CDRT4: variants seen among roughly 807,000 people sequenced by gnomAD.
CDRT4 encodes the protein CMT1A duplicated region transcript 4 protein.
For synonymous variants in CDRT4, 64 were observed against 69.6 expected (o/e 0.92, Z 0.40); for missense variants, 167 against 193.1 (o/e 0.87, Z 0.80).
chr17:15,459,246 A>G (rs1052408694), intron 1 of CDRT4, among the ~76,000 whole-genome samples: 8 of 152,060 alleles, frequency 5.3e-5, no homozygotes, highest in African/African-American at 1.9e-4. Context: ...ATGAACAACA[A>G]GACAAATGGA....
chr17:15,440,167 C>T (rs945471869), intron 3 of CDRT4, 41 bp downstream of exon 3: 4 of 1,608,690 alleles, frequency 2.5e-6, no homozygotes, highest in South Asian at 1.1e-5. Context: ...CCTAGACGGC[C>T]CCAGTGCAGG....
At chr17:15,438,421 G>C (rs1250858307) in intron 3 of CDRT4, among the ~76,000 whole-genome samples, 1 of 100,362 alleles carries the variant, frequency 1.0e-5, no homozygotes, top group Non-Finnish European at 1.8e-5. Context: ...GCAAGAGACA[G>C]AGTCAAACAG....
At chr17:15,465,833 G>C (rs1038111476) in intron 1 of CDRT4, among the ~76,000 whole-genome samples, 1 of 151,160 alleles carries the variant, frequency 6.6e-6, no homozygotes, top group African/African-American at 2.4e-5. Flanking sequence ...CCACCGTGGG[G>C]AGGACATGCA....
intron 2 of CDRT4, among the ~76,000 whole-genome samples, chr17:15,446,087 T>C (rs1979011048): frequency 6.6e-6 from 1 of 151,662 alleles, no homozygotes; most frequent in African/African-American, 2.4e-5. Flanking sequence ...TCTGGAAAGA[T>C]GCTCCTGAGC....
chr17:15,459,439 C>CTTT (rs35161691), intron 1 of CDRT4, among the ~76,000 whole-genome samples: 502 of 107,480 alleles, frequency 4.7e-3, no homozygotes, highest in Non-Finnish European at 6.2e-3. Context: ...CTTTTTTTTT[C>CTTT]TTTTTTTTTT....
chr17:15,438,990 G>A (rs928191899), intron 3 of CDRT4, among the ~76,000 whole-genome samples: 14 of 152,176 alleles, frequency 9.2e-5, no homozygotes, highest in Admixed American at 6.5e-4. Context: ...TGTTTGCCGA[G>A]GGGGGTGGGT....
intron 1 of CDRT4, among the ~76,000 whole-genome samples, chr17:15,459,443 T>C (rs1008091998): frequency 3.1e-4 from 42 of 135,286 alleles, no homozygotes; most frequent in South Asian, 2.2e-3. Context: ...TTTTTTCTTT[T>C]TTTTTTTTTT....
chr17:15,444,439 C>T (rs1463095627), intron 2 of CDRT4, among the ~76,000 whole-genome samples: 1 of 152,146 alleles, frequency 6.6e-6, no homozygotes, highest in South Asian at 2.1e-4. Flanking sequence ...GCAGTACAGG[C>T]ACTGGAATTA....
chr17:15,438,914 C>T (rs931021172), intron 3 of CDRT4, among the ~76,000 whole-genome samples: 1 of 152,126 alleles, frequency 6.6e-6, no homozygotes, highest in Non-Finnish European at 1.5e-5. Context: ...TGGGTTTGAA[C>T]TCAAGCTTAA....
At chr17:15,462,788 G>C (rs1318366691) in intron 1 of CDRT4, among the ~76,000 whole-genome samples, 1 of 152,158 alleles carries the variant, frequency 6.6e-6, no homozygotes, top group African/African-American at 2.4e-5. Context: ...AAATTCAGGA[G>C]AGTAGTGACC....
At position 15,438,128 on chromosome 17, in the gene CDRT4, T is replaced by C. The variant is rs1978586253; in HGVS notation, c.104A>G (p.Tyr35Cys). ...GAGTCTTTTCACTGTCTGAGAGGTA[T>C]AGGTGACATAGGCCGGCCAGGGGTC... is the stretch of plus-strand genomic sequence containing the variant. Reference protein sequence around the residue: ...KHDPWPAYVTYTSQTVKRLIE... With the variant: ...KHDPWPAYVTCTSQTVKRLIE... The change falls in exon 4 of 4, where the codon TAT (tyrosine) becomes TGT (cysteine). Residue 35 changes from tyrosine (Y) to cysteine (C), a missense_variant. Coordinates refer to ENST00000619038, the MANE Select transcript of CDRT4 (RefSeq NM_001204477.2). 2 of 1,614,138 alleles carry C rather than the reference T, an allele frequency of 1.2e-6. No individual in the cohort carries two copies. Among genetic ancestry groups the C allele is most frequent in the South Asian group, 2.2e-5 (2 of 91,076 alleles).
intron 3 of CDRT4, among the ~76,000 whole-genome samples, 161 bp downstream of exon 3, chr17:15,440,047 C>A (rs1978683142): frequency 6.6e-6 from 1 of 151,778 alleles, no homozygotes; most frequent in Non-Finnish European, 1.5e-5. Context: ...ATGTAACAAA[C>A]CTGCACGTTG....
chr17:15,448,279 C>G (rs1979115829), intron 2 of CDRT4, among the ~76,000 whole-genome samples: 1 of 152,208 alleles, frequency 6.6e-6, no homozygotes, highest in South Asian at 2.1e-4. Context: ...AACTGCACAT[C>G]CTCCAAATAT....
Position 15,437,741 on chromosome 17 carries a change from G to A in CDRT4, c.*32C>T, listed in dbSNP as rs1978555254. 4 of 1,602,808 alleles carry A rather than the reference G, an allele frequency of 2.5e-6. No homozygotes were observed. Among genetic ancestry groups the A allele is most frequent in the African/African-American group, 2.7e-5 (2 of 74,758 alleles). ...TTGGGGAATGGCTGCAGGGACCCCT[G>A]GCTAAAACATTTGCATGTTTCTCCT... On this transcript the variant is annotated 3_prime_UTR_variant, in exon 4 of 4. Transcript: ENST00000619038.
Position 15,464,005 on chromosome 17 carries a change from T to A in CDRT4, c.-130+3455A>T, listed in dbSNP as rs1406053599. Among the ~76,000 whole-genome samples, 2 of 151,790 alleles carry A rather than the reference T, an allele frequency of 1.3e-5. No homozygotes were observed. Among genetic ancestry groups the A allele is most frequent in the African/African-American group, 4.8e-5 (2 of 41,314 alleles). ...TTCAAAGGTCAAGCAAGTAACAGAG[T>A]CAGAAGTCAGACAGAGCACGGGGAC... On this transcript the variant is annotated intron_variant, in intron 1 of 3. Transcript: ENST00000619038. The surrounding 1 kb of genome is among the most constrained non-coding windows in gnomAD (Gnocchi z 4.5).
At chr17:15,444,232 G>T in intron 2 of CDRT4, 2 of 718,224 alleles carry the variant, frequency 2.8e-6, no homozygotes, top group South Asian at 3.1e-5. Flanking sequence ...GATGCCGGAT[G>T]ATTCCTAAGA....
intron 1 of CDRT4, among the ~76,000 whole-genome samples, chr17:15,453,763 G>A (rs550860621): frequency 7.9e-5 from 12 of 152,176 alleles, no homozygotes; most frequent in Non-Finnish European, 1.8e-4. Flanking sequence ...TTCAGAGCAC[G>A]AGTTCAAGAC....
chr17:15,457,153 C>G (rs919316979), intron 1 of CDRT4, among the ~76,000 whole-genome samples: 2 of 152,078 alleles, frequency 1.3e-5, no homozygotes, highest in Non-Finnish European at 2.9e-5. Context: ...CCTTCCAGCT[C>G]GAACCTCCTG....
chr17:15,440,818 G>C (rs930160806), intron 2 of CDRT4, among the ~76,000 whole-genome samples: 6 of 152,162 alleles, frequency 3.9e-5, no homozygotes, highest in African/African-American at 1.4e-4. Context: ...ACCATGCAGG[G>C]GGGAAATCTG....
Sources: gnomAD v4.1 joint callset for allele counts (sites outside exome capture counted in the v4.1 genomes callset) on GRCh38, gnomAD v4.1.1 for gene constraint, Gnocchi (gnomAD v3.1) non-coding constraint, MANE v1.5 for transcripts, NCBI Gene and HGNC (gene_info 2026-07-23, HGNC 2026-07-21) for gene names.